CREB5: variants seen among roughly 807,000 people sequenced by gnomAD.
The protein encoded by CREB5 is cAMP responsive element binding protein 5, also known as cyclic AMP-responsive element-binding protein 5.
CREB5 carries 19 observed loss-of-function variants against 57.1 expected under a neutral mutation model. That is an observed-to-expected ratio of 0.33 (90% CI 0.23 to 0.49). The LOEUF is 0.49. CREB5 is among the 20% of genes least tolerant of loss of function. The pLI, the probability that CREB5 is intolerant of heterozygous loss-of-function variation, is 0.99. For synonymous variants in CREB5, 238 were observed against 238.3 expected, an observed-to-expected ratio of 1.00 and a Z score of 0.01; for missense variants, 579 against 671.6, an observed-to-expected ratio of 0.86 and a Z score of 1.52.
chr7:28,628,353 C>A (rs1798079600), intron 5 of CREB5, among the ~76,000 whole-genome samples: 1 of 152,260 alleles, frequency 6.6e-6, no homozygotes, highest in South Asian at 2.1e-4. Flanking sequence ...CTGACCACGC[C>A]TGCTTATTGT....
intron 7 of CREB5, among the ~76,000 whole-genome samples, chr7:28,763,187 A>G (rs940576361): frequency 6.6e-6 from 1 of 152,184 alleles, no homozygotes; most frequent in African/African-American, 2.4e-5. Flanking sequence ...TTTCTTTAAT[A>G]TAAAAACATG....
intron 1 of CREB5, among the ~76,000 whole-genome samples, chr7:28,351,908 C>A (rs766189876): frequency 1.3e-5 from 2 of 152,090 alleles, no homozygotes; most frequent in Non-Finnish European, 2.9e-5. Context: ...AAATTAACAT[C>A]CCCCAAATAA....
chr7:28,605,127 T>G (rs1021347213), intron 5 of CREB5, among the ~76,000 whole-genome samples: 2 of 152,178 alleles, frequency 1.3e-5, no homozygotes, highest in African/African-American at 4.8e-5. Context: ...ATTTGGGTTC[T>G]TGTAACACTG....
At position 28,658,953 on chromosome 7, in the gene CREB5, G is replaced by GTATATA. The variant is rs72106956; in HGVS notation, c.465-59778_465-59773dup. Among the ~76,000 whole-genome samples the GTATATA allele has an allele frequency of 4.2e-3, 420 of 99,584 alleles. 21 individuals carry two copies. The highest frequency in any genetic ancestry group is 0.017 in the South Asian group (57 of 3,294). 65.3% of individuals were successfully genotyped at this position (99,584 alleles called of 152,430 possible). A position where few individuals can be genotyped will look rare whatever the true frequency, so the allele number is the denominator to read the frequency against. ...CACTAAATATTATATGTGTGTGTGT[G>GTATATA]TATATATATATATATATATATATAT... On this transcript the variant is annotated intron_variant, in intron 5 of 10. Transcript: ENST00000357727.
At chr7:28,615,606 C>T (rs1371209059) in intron 5 of CREB5, 1 of 152,380 alleles carries the variant, frequency 6.6e-6, no homozygotes, top group East Asian at 1.9e-4. Context: ...TGGCACAGGT[C>T]TGCTTTTGCA....
chr7:28,421,783 A>ATG (rs1562705553), intron 1 of CREB5, among the ~76,000 whole-genome samples: 1 of 34,848 alleles, frequency 2.9e-5, no homozygotes, highest in East Asian at 2.5e-3. Flanking sequence ...ATATATATAT[A>ATG]CCATATATAT....
chr7:28,669,059 C>A (rs1043693556), intron 5 of CREB5, among the ~76,000 whole-genome samples: 1 of 152,194 alleles, frequency 6.6e-6, no homozygotes, highest in Non-Finnish European at 1.5e-5. Flanking sequence ...GCTTGAGGTA[C>A]CAGGAACCCT....
chr7:28,530,623 A>G (rs531085436), intron 4 of CREB5, among the ~76,000 whole-genome samples: 1 of 152,330 alleles, frequency 6.6e-6, no homozygotes, highest in Admixed American at 6.5e-5. Flanking sequence ...GGCTATGCAA[A>G]ATGGCCCTCC....
intron 1 of CREB5, among the ~76,000 whole-genome samples, chr7:28,306,941 A>G (rs1228398515): frequency 2.0e-5 from 3 of 152,238 alleles, no homozygotes; most frequent in Non-Finnish European, 4.4e-5. Flanking sequence ...TAGGAATCTA[A>G]TAGATGACAA....
chr7:28,526,671 C>A (rs536735078), intron 4 of CREB5, among the ~76,000 whole-genome samples: 2 of 152,344 alleles, frequency 1.3e-5, no homozygotes, highest in African/African-American at 4.8e-5. Context: ...CAAACTCGAA[C>A]TGCCTGGAAA....
chr7:28,585,005 C>T (rs866313952), intron 5 of CREB5, among the ~76,000 whole-genome samples: 1 of 152,186 alleles, frequency 6.6e-6, no homozygotes, highest in Non-Finnish European at 1.5e-5. Context: ...AACAGATCCA[C>T]AGTGACTATC....
At chr7:28,718,950 G>A (rs1225500116) in intron 6 of CREB5, 71 bp downstream of exon 6, 19 of 1,601,306 alleles carry the variant, frequency 1.2e-5, no homozygotes, top group African/African-American at 2.7e-5. Flanking sequence ...AAAGGGCAAA[G>A]GAAACTCTGA....
rs576699414 is a variant in CREB5, at chr7:28,790,513, AAAG to A, written c.703-13683_703-13681del. Among the ~76,000 whole-genome samples, 306 of 152,240 alleles carry A rather than the reference AAAG, an allele frequency of 2.0e-3. 3 individuals are homozygous for A. The highest frequency in any genetic ancestry group is 3.4e-3 in the Middle Eastern group (1 of 294). On this transcript the variant is annotated intron_variant, in intron 7 of 10. Transcript: ENST00000357727. The stretch of plus-strand genomic sequence containing the variant: ...AAGAGAAGGAAAAAGAAAGAAAAAT[AAAG>A]AAAGAAAGGGAAAAACTAGCAGGCA...
intron 3 of CREB5, among the ~76,000 whole-genome samples, chr7:28,499,018 G>T (rs1197804259): frequency 1.3e-5 from 2 of 152,086 alleles, no homozygotes; most frequent in African/African-American, 4.8e-5. Context: ...GCAACGTTTG[G>T]TTTGAAAATC....
At chr7:28,634,691 A>G (rs1052897369) in intron 5 of CREB5, among the ~76,000 whole-genome samples, 2 of 152,072 alleles carry the variant, frequency 1.3e-5, no homozygotes, top group African/African-American at 2.4e-5. Flanking sequence ...TCTTTTTTCC[A>G]TGGGCTGCAT....
chr7:28,363,488 C>G lies in CREB5; in HGVS notation c.-25+64047C>G, dbSNP rs571443578. 7.9e-4 allele frequency among the ~76,000 whole-genome samples: 120 copies of G among 152,178 alleles called. No homozygotes were observed. In the Middle Eastern group the frequency reaches 0.017, roughly 22 times the overall value. On this transcript the variant is annotated intron_variant, in intron 1 of 9. Coordinates refer to the CREB5 transcript ENST00000396299. ...CTTGTCCATTCTTCGAAGACCATCTCAAGCAGCCTCTCTTCCATGTAGTCT... is the reference window on the plus strand; with the variant it reads ...CTTGTCCATTCTTCGAAGACCATCTGAAGCAGCCTCTCTTCCATGTAGTCT...
Position 28,370,467 on chromosome 7 carries a change from A to G in CREB5, c.-25+71026A>G, listed in dbSNP as rs112586144. Among the ~76,000 whole-genome samples, 343 of 152,348 alleles carry G rather than the reference A, an allele frequency of 2.3e-3. 3 individuals are homozygous for G. Among genetic ancestry groups the G allele is most frequent in the African/African-American group, 8.1e-3 (337 of 41,582 alleles). On this transcript the variant is annotated intron_variant, in intron 1 of 9. Transcript: ENST00000396299. The stretch of plus-strand genomic sequence containing the variant: ...GAGGATAAAAGTGACGTTCTGGTTC[A>G]TTCAAGAATTGAAAGTAAATGCATT...
At chr7:28,519,892 G>A (rs372551544) in intron 4 of CREB5, among the ~76,000 whole-genome samples, 2 of 152,292 alleles carry the variant, frequency 1.3e-5, no homozygotes, top group Non-Finnish European at 1.5e-5. Flanking sequence ...ACCAAATCAC[G>A]TAACAGTGGT....
chr7:28,440,924 G>A (rs2128560516), intron 1 of CREB5, among the ~76,000 whole-genome samples: 1 of 152,280 alleles, frequency 6.6e-6, no homozygotes, highest in Non-Finnish European at 1.5e-5. Flanking sequence ...CTGAGGTTGG[G>A]TGCATTGGGA....
Sources: allele counts gnomAD v4.1 joint callset (sites outside exome capture counted in the v4.1 genomes callset), GRCh38; gene constraint gnomAD v4.1.1; transcripts MANE v1.5; gene names NCBI Gene and HGNC (gene_info 2026-07-23, HGNC 2026-07-21).